DMXL2: variants seen among roughly 807,000 people sequenced by gnomAD.
DMXL2 encodes dmX-like protein 2.
In DMXL2, 103 loss-of-function variants were observed where a neutral mutation model predicts 331.1. That is an observed-to-expected ratio of 0.31 (90% CI 0.27 to 0.37). The LOEUF (loss-of-function observed/expected upper bound fraction) is 0.37. Ranked by LOEUF, DMXL2 falls within the 10% of genes least tolerant of loss-of-function variation. The pLI is 1.00. For synonymous variants in DMXL2, 1,281 were observed against 1,252.1 expected (o/e 1.02, Z -0.49); for missense variants, 3,171 against 3,642.9 (o/e 0.87, Z 3.33).
At chr15:51,524,565 AG>A (rs1265921945) in intron 13 of DMXL2, among the ~76,000 whole-genome samples, 2 of 152,176 alleles carry the variant, frequency 1.3e-5, no homozygotes, top group Non-Finnish European at 1.5e-5. Context: ...TGGCAGCAGC[AG>A]CGTGGTGCTG....
chr15:51,569,350 A>G (rs1172844940), intron 2 of DMXL2, among the ~76,000 whole-genome samples: 1 of 152,134 alleles, frequency 6.6e-6, no homozygotes, highest in Non-Finnish European at 1.5e-5. Flanking sequence ...GGAGCCCACC[A>G]CAGCTCCCCG....
intron 13 of DMXL2, among the ~76,000 whole-genome samples, chr15:51,519,088 C>T (rs1044100168): frequency 6.6e-6 from 1 of 151,682 alleles, no homozygotes; most frequent in South Asian, 2.1e-4. Flanking sequence ...CTTAATGAGC[C>T]ACACTGATAC....
chr15:51,605,093 C>A (rs2053487721), intron 1 of DMXL2, among the ~76,000 whole-genome samples: 1 of 151,708 alleles, frequency 6.6e-6, no homozygotes, highest in South Asian at 2.1e-4. Context: ...CAAAATGAAT[C>A]ATAGGATCTA....
chr15:51,588,506 T>C (rs1292396798), intron 1 of DMXL2, among the ~76,000 whole-genome samples: 1 of 152,176 alleles, frequency 6.6e-6, no homozygotes, highest in Non-Finnish European at 1.5e-5. Context: ...TTGTTCTTAA[T>C]ACATTTTACA....
chr15:51,605,993 C>CA (rs1334110789), intron 1 of DMXL2, among the ~76,000 whole-genome samples: 1 of 152,206 alleles, frequency 6.6e-6, no homozygotes, highest in Non-Finnish European at 1.5e-5. Flanking sequence ...GTCCTAACAG[C>CA]ATTTGCTAAT....
At chr15:51,465,470 T>A (rs947751696) in intron 31 of DMXL2, 96 bp downstream of exon 31, 24 of 875,014 alleles carry the variant, frequency 2.7e-5, no homozygotes, top group Non-Finnish European at 4.3e-5. Flanking sequence ...CACTATTTTT[T>A]AAGTACCAAA....
intron 13 of DMXL2, among the ~76,000 whole-genome samples, chr15:51,533,341 T>C (rs2048110964): frequency 6.6e-6 from 1 of 152,046 alleles, no homozygotes. Context: ...TTGAGTACTA[T>C]ATTATTATTT....
chr15:51,580,291 A>G (rs1433795893), intron 1 of DMXL2, among the ~76,000 whole-genome samples: 2 of 152,180 alleles, frequency 1.3e-5, no homozygotes, highest in Non-Finnish European at 2.9e-5. Context: ...CGTTAAGACT[A>G]CAAGCAAATA....
intron 13 of DMXL2, among the ~76,000 whole-genome samples, chr15:51,528,514 TAAG>T (rs759476725): frequency 1.4e-4 from 21 of 152,266 alleles, no homozygotes; most frequent in Non-Finnish European, 2.5e-4. Flanking sequence ...ACAAAAACTG[TAAG>T]AAGAGACAAA....
At position 51,458,605 on chromosome 15, in the gene DMXL2, A is replaced by G. The variant is rs1187459773; in HGVS notation, c.8099T>C (p.Leu2700Ser). 3.1e-6 allele frequency: 5 copies of G among 1,613,982 alleles called. No individual in the cohort carries two copies. The highest frequency in any genetic ancestry group is 1.3e-5 in the African/African-American group (1 of 75,082). Reference protein sequence around the residue: ...VNKANCNEIVLASTHDVQELD... With the variant: ...VNKANCNEIVSASTHDVQELD... ...TTCTTGAACATCATGTGTTGAAGCCAAAACAATTTCATTACAATTTGCCTA... is the reference window on the plus strand; with the variant it reads ...TTCTTGAACATCATGTGTTGAAGCCGAAACAATTTCATTACAATTTGCCTA... The change falls in exon 36 of 44, where the codon TTG becomes TCG. Residue 2700 changes from leucine to serine, a missense_variant. Transcript: ENST00000560891.
intron 20 of DMXL2, among the ~76,000 whole-genome samples, chr15:51,491,035 T>C (rs922830399): frequency 1.2e-4 from 19 of 152,306 alleles, no homozygotes; most frequent in Admixed American, 9.8e-4. Flanking sequence ...TAACAGAAAA[T>C]ATTATTATTC....
Position 51,536,146 on chromosome 15 carries a change from C to T in DMXL2, c.2314+20G>A, listed in dbSNP as rs775514749. The T allele has an allele frequency of 3.3e-6, 5 of 1,516,488 alleles. No homozygotes were observed. The highest frequency in any genetic ancestry group is 4.4e-6 in the Non-Finnish European group (5 of 1,131,572). The allele number at this position is 1,516,488 out of a possible 1,614,324, so 93.9% of individuals were successfully genotyped here. A position where few individuals can be genotyped will look rare whatever the true frequency, so the allele number is the denominator to read the frequency against. ...AGTTTAAAAGCTTGTGTTAATTTCACAATTACAATGAACACTTACCTAGAC... is the reference window on the plus strand; with the variant it reads ...AGTTTAAAAGCTTGTGTTAATTTCATAATTACAATGAACACTTACCTAGAC... On this transcript the variant is annotated intron_variant, in intron 12 of 43. Coordinates refer to ENST00000560891, the MANE Select transcript of DMXL2 (RefSeq NM_001378457.1).
chr15:51,466,563 G>T (rs1299293288), intron 29 of DMXL2: 1 of 154,144 alleles, frequency 6.5e-6, no homozygotes, highest in African/African-American at 2.4e-5. Context: ...TGAATAGCTA[G>T]ATGTGAAATT....
At chr15:51,581,362 C>T (rs2051405119) in intron 1 of DMXL2, among the ~76,000 whole-genome samples, 1 of 152,130 alleles carries the variant, frequency 6.6e-6, no homozygotes, top group Non-Finnish European at 1.5e-5. Flanking sequence ...AAAACCGGTC[C>T]TTGGTACCAA....
intron 1 of DMXL2, among the ~76,000 whole-genome samples, chr15:51,582,007 C>G (rs538863737): frequency 6.6e-6 from 1 of 152,226 alleles, no homozygotes; most frequent in East Asian, 1.9e-4. Flanking sequence ...TCCCACCGCT[C>G]CCTGGGAGTG....
intron 16 of DMXL2, among the ~76,000 whole-genome samples, chr15:51,505,130 A>G (rs542154018): frequency 1.3e-5 from 2 of 152,356 alleles, no homozygotes; most frequent in South Asian, 4.1e-4. Context: ...ACAAAATTTA[A>G]ACCAATCATT....
intron 1 of DMXL2, among the ~76,000 whole-genome samples, chr15:51,595,594 C>A (rs1377098148): frequency 2.0e-5 from 3 of 152,150 alleles, no homozygotes; most frequent in Admixed American, 6.5e-5. Flanking sequence ...GGAACCAAAA[C>A]AGAGCCTGCA....
At chr15:51,487,907 T>G in intron 22 of DMXL2, 47 bp downstream of exon 22, 1 of 1,450,936 alleles carries the variant, frequency 6.9e-7, no homozygotes, top group Non-Finnish European at 9.2e-7. Context: ...CCTTCTTAGG[T>G]TTTCAATCTT....
chr15:51,474,573 A>C lies in DMXL2; in HGVS notation c.6984T>G (p.Asn2328Lys), dbSNP rs566873822. ...CTTCATCTTGGGCTGAACTCAAAAG[A>C]TTAATAAGTGAGCTCACACCTATAA... ...AQWPGVSSLI[N>K]LLSSAQDEDQ... Residue 2328 changes from asparagine to lysine, a missense_variant, in exon 28 of 44, where the codon AAT (asparagine) becomes AAG (lysine). Transcript: ENST00000560891. The C allele has an allele frequency of 6.2e-7, 1 of 1,613,884 alleles. No homozygotes were observed. Among genetic ancestry groups the C allele is most frequent in the East Asian group, 2.2e-5 (1 of 44,880 alleles).
Sources: allele counts gnomAD v4.1 joint callset (sites outside exome capture counted in the v4.1 genomes callset), GRCh38; gene constraint gnomAD v4.1.1; transcripts MANE v1.5; gene names NCBI Gene and HGNC (gene_info 2026-07-23, HGNC 2026-07-21).